The following SARS1 variants were observed in gnomAD, a reference collection of about 807,000 sequenced individuals.
SARS1 encodes the protein seryl-tRNA synthetase 1, also known as serine--tRNA ligase, cytoplasmic.
In SARS1, 25 loss-of-function variants were observed where a neutral mutation model predicts 63.7. The ratio of observed to expected loss-of-function variants is 0.39; its 90% CI spans 0.29 to 0.55. SARS1 has a LOEUF of 0.55. Ranked by LOEUF, SARS1 falls within the 20% of genes least tolerant of loss-of-function variation. SARS1 has a pLI of 0.62. For missense variants in SARS1, 417 were observed against 649.7 expected (o/e 0.64, Z 3.89); for synonymous variants, 231 against 243.5 (o/e 0.95, Z 0.48).
chr1:109,216,541 T>C, intron 1 of SARS1: 1 of 985,366 alleles, frequency 1.0e-6, no homozygotes, highest in Non-Finnish European at 1.2e-6. Flanking sequence ...GGAAATCTGC[T>C]GCAAACCCCA....
chr1:109,218,103 G>T (rs1227070743), intron 1 of SARS1, among the ~76,000 whole-genome samples: 1 of 147,562 alleles, frequency 6.8e-6, no homozygotes, highest in Non-Finnish European at 1.5e-5. Context: ...TGAGGCAGGA[G>T]AATGGCGTGA....
At chr1:109,232,736 G>A (rs148691358) in intron 6 of SARS1, among the ~76,000 whole-genome samples, 6 of 152,212 alleles carry the variant, frequency 3.9e-5, no homozygotes, top group Admixed American at 2.6e-4. Context: ...TCCTTTACTC[G>A]CTAAAACCTG....
chr1:109,231,131 C>A, intron 5 of SARS1, 110 bp downstream of exon 5: 1 of 635,918 alleles, frequency 1.6e-6, no homozygotes. Context: ...AAGAGGCCCA[C>A]AGATCTACCA....
chr1:109,235,159 C>T lies in SARS1; in HGVS notation c.748-51C>T, dbSNP rs375846713. The T allele has an allele frequency of 1.4e-6, 2 of 1,438,058 alleles. No individual in the cohort carries two copies. Among genetic ancestry groups the T allele is most frequent in the Non-Finnish European group, 2.0e-6 (2 of 1,021,142 alleles). 89.1% of individuals were successfully genotyped at this position (1,438,058 alleles called of 1,614,324 possible). A position where few individuals can be genotyped will look rare whatever the true frequency, so the allele number is the denominator to read the frequency against. ...TCTTTCTTGTGGTTTCTTATTCTAG[C>T]CAAGGTCCTCCCCACTTCCTCTTAA... On this transcript the variant is annotated intron_variant, in intron 6 of 10. Transcript: ENST00000234677. This position sits in a 1 kb window ranked among gnomAD's most constrained non-coding sequence, Gnocchi z 4.7.
At chr1:109,228,888 T>C (rs1382228088) in intron 3 of SARS1, among the ~76,000 whole-genome samples, 1 of 152,114 alleles carries the variant, frequency 6.6e-6, no homozygotes, top group South Asian at 2.1e-4. Context: ...AGGTCTCGGA[T>C]TGGGGGCCTG....
chr1:109,232,932 CCA>C (rs1383677735), intron 6 of SARS1, among the ~76,000 whole-genome samples: 1 of 152,108 alleles, frequency 6.6e-6, no homozygotes. Flanking sequence ...CTTCTTGGAC[CCA>C]CAGGCAGGAA....
At chr1:109,219,122 C>T (rs570643892) in intron 1 of SARS1, among the ~76,000 whole-genome samples, 107 of 150,824 alleles carry the variant, frequency 7.1e-4, no homozygotes, top group South Asian at 3.2e-3. Flanking sequence ...AAAAATTAGC[C>T]GGGTGTGGTG....
intron 1 of SARS1, among the ~76,000 whole-genome samples, chr1:109,221,447 A>G (rs536861836): frequency 6.6e-6 from 1 of 152,270 alleles, no homozygotes; most frequent in African/African-American, 2.4e-5. Flanking sequence ...CTTCTAATCA[A>G]CATCATGCCA....
At position 109,237,607 on chromosome 1, in the gene SARS1, C is replaced by T. The variant is rs963505682; in HGVS notation, c.1388-124C>T. 52 of 1,167,602 alleles carry T rather than the reference C, an allele frequency of 4.5e-5. No individual in the cohort carries two copies. In the Middle Eastern group the frequency reaches 7.8e-4, roughly 18 times the overall value. 72.3% of individuals were successfully genotyped at this position (1,167,602 alleles called of 1,614,324 possible). A position where few individuals can be genotyped will look rare whatever the true frequency, so the allele number is the denominator to read the frequency against. On this transcript the variant is annotated intron_variant, in intron 10 of 10. Transcript: ENST00000234677. This position sits in a 1 kb window ranked among gnomAD's most constrained non-coding sequence, Gnocchi z 4.1. ...TAGGGAAGAAAAGAATAAAGGAAACCAGTGCCTATCAAAGGGACCCCTCTG... is the reference window on the plus strand; with the variant it reads ...TAGGGAAGAAAAGAATAAAGGAAACTAGTGCCTATCAAAGGGACCCCTCTG...
In SARS1 at chr1:109,235,478, G is replaced by A; in HGVS notation, c.969+47G>A. 6.8e-7 allele frequency: 1 copy of A among 1,469,322 alleles called. No homozygotes were observed. Among genetic ancestry groups the A allele is most frequent in the Non-Finnish European group, 9.4e-7 (1 of 1,064,590 alleles). The allele number at this position is 1,469,322 out of a possible 1,614,324, so 91.0% of individuals were successfully genotyped here. A position where few individuals can be genotyped will look rare whatever the true frequency, so the allele number is the denominator to read the frequency against. ...AGGAGTGGAACTTTCTCTGTCTCCA[G>A]AATGGTTAGATGAGAGATAGGATCT... is the stretch of plus-strand genomic sequence containing the variant. On this transcript the variant is annotated intron_variant, in intron 7 of 10. Coordinates refer to ENST00000234677, the MANE Select transcript of SARS1 (RefSeq NM_006513.4). The surrounding 1 kb of genome is among the most constrained non-coding windows in gnomAD (Gnocchi z 4.7).
At position 109,235,252 on chromosome 1, in the gene SARS1, G is replaced by A; in HGVS notation, c.790G>A (p.Asp264Asn). 6.2e-7 allele frequency: 1 copy of A among 1,614,152 alleles called. No homozygotes were observed. The change falls in exon 7 of 11, where the codon GAT (aspartate) becomes AAT (asparagine). Residue 264 changes from aspartate to asparagine, a missense_variant. By Grantham distance (23) the Asp-to-Asn change is conservative. This residue lies in a region of SARS1 where 359 missense variants were observed against 529.6 expected (regional missense o/e 0.68). Transcript: ENST00000234677. This position sits in a 1 kb window ranked among gnomAD's most constrained non-coding sequence, Gnocchi z 4.7. ...TGAAAAGTCTGATGACAACTCCTAT[G>A]ATGAGAAGTACCTGATTGCCACCTC... The part of the protein sequence containing the change: ...GSEKSDDNSY[D>N]EKYLIATSEQ...
rs1245953771 is a variant in SARS1, at chr1:109,235,810, C to T, written c.970-167C>T. The stretch of plus-strand genomic sequence containing the variant: ...GGGGCTGGCATGCATACGGGAAGCT[C>T]GCACCATAAGCATTTGCTCTTGTGG... On this transcript the variant is annotated intron_variant, in intron 7 of 10. Coordinates refer to ENST00000234677, the MANE Select transcript of SARS1 (RefSeq NM_006513.4). This position sits in a 1 kb window ranked among gnomAD's most constrained non-coding sequence, Gnocchi z 4.7. 1.3e-5 allele frequency among the ~76,000 whole-genome samples: 2 copies of T among 152,180 alleles called. No homozygotes were observed. Among genetic ancestry groups the T allele is most frequent in the East Asian group, 1.9e-4 (1 of 5,196 alleles).
chr1:109,230,983 G>A lies in SARS1; in HGVS notation c.553G>A (p.Gly185Arg). 6.4e-7 allele frequency: 1 copy of A among 1,556,898 alleles called. No homozygotes were observed. The highest frequency in any genetic ancestry group is 8.7e-7 in the Non-Finnish European group (1 of 1,152,632). ...GGTAGATGGCTTTGAAGGCGAAAAG[G>A]GGGCCGTGGTGGCTGGGAGTCGAGG... ...VMVDGFEGEK[G>R]AVVAGSRGYF... is the part of the protein sequence containing the mutation. The change falls in exon 5 of 11, where the codon GGG (glycine) becomes AGG (arginine). Residue 185 changes from glycine (G) to arginine (R), a missense_variant. Gly to Arg is a moderately radical substitution (Grantham distance 125). Coordinates refer to ENST00000234677, the MANE Select transcript of SARS1 (RefSeq NM_006513.4).
intron 8 of SARS1, 129 bp downstream of exon 8, chr1:109,236,235 C>A: frequency 7.6e-7 from 1 of 1,309,264 alleles, no homozygotes; most frequent in Non-Finnish European, 1.1e-6. Context: ...AAATATTACA[C>A]TCTTCTCACT....
At chr1:109,231,581 A>G (rs1018605253) in intron 5 of SARS1, 50 bp from the exon 6 acceptor site, 3 of 1,353,880 alleles carry the variant, frequency 2.2e-6, no homozygotes, top group Non-Finnish European at 9.6e-7. Flanking sequence ...CTAGCTGAAC[A>G]TGATGGTGAC....
chr1:109,224,273 CTTTG>C (rs1486772596), intron 2 of SARS1, among the ~76,000 whole-genome samples: 1 of 152,122 alleles, frequency 6.6e-6, no homozygotes, highest in Non-Finnish European at 1.5e-5. Flanking sequence ...AGGTAAGATT[CTTTG>C]TTGTCTAGCT....
chr1:109,231,591 C>T lies in SARS1; in HGVS notation c.592-40C>T, dbSNP rs776926818. 4 of 1,371,730 alleles carry T rather than the reference C, an allele frequency of 2.9e-6. 1 individual carries two copies. The South Asian group carries it at 6.1e-5, about 21-fold the overall frequency. The allele number at this position is 1,371,730 out of a possible 1,614,324, so 85.0% of individuals were successfully genotyped here. On this transcript the variant is annotated intron_variant, in intron 5 of 10. Coordinates refer to ENST00000234677, the MANE Select transcript of SARS1 (RefSeq NM_006513.4). ...CAGTTCTAGCTGAACATGATGGTGA[C>T]AAGACCCAATCACATAGTACTGTGT...
At position 109,237,338 on chromosome 1, in the gene SARS1, C is replaced by G. The variant is rs1557720571; in HGVS notation, c.1352C>G (p.Thr451Ser). 3.7e-6 allele frequency: 6 copies of G among 1,614,240 alleles called. No individual in the cohort carries two copies. Among genetic ancestry groups the G allele is most frequent in the Non-Finnish European group, 5.1e-6 (6 of 1,180,042 alleles). The change falls in exon 10 of 11, where the codon ACT (threonine) becomes AGT (serine). Residue 451 changes from threonine (T) to serine (S), a missense_variant. By Grantham distance (58) the Thr-to-Ser change is moderately conservative. Coordinates refer to ENST00000234677, the MANE Select transcript of SARS1 (RefSeq NM_006513.4). The surrounding 1 kb of genome is among the most constrained non-coding windows in gnomAD (Gnocchi z 4.1). ...AACTACCAGACAGAGAAGGGCATCA[C>G]TGTGCCTGAGAAATTGAAGGAGTTC... ...LENYQTEKGI[T>S]VPEKLKEFMP...
chr1:109,225,938 A>G (rs562272965), intron 2 of SARS1, among the ~76,000 whole-genome samples: 1 of 151,916 alleles, frequency 6.6e-6, no homozygotes, highest in South Asian at 2.1e-4. Flanking sequence ...TTTTTTCCCT[A>G]CCTCTGTAGT....
Sources: gnomAD v4.1 joint callset for allele counts (sites outside exome capture counted in the v4.1 genomes callset) on GRCh38, gnomAD v4.1.1 for gene constraint, gnomAD v4.1.1 regional missense constraint, Gnocchi (gnomAD v3.1) non-coding constraint, MANE v1.5 for transcripts, NCBI Gene and HGNC (gene_info 2026-07-23, HGNC 2026-07-21) for gene names.